Variants in PHAX observed in about 807,000 individuals in gnomAD.
The protein encoded by PHAX is phosphorylated adaptor for RNA export.
In PHAX, 31 loss-of-function variants were observed where a neutral mutation model predicts 41.6. The observed-to-expected ratio is 0.75, with a 90% CI of 0.56 to 1.01. The LOEUF is 1.01. PHAX is among the 50% of genes least tolerant of loss of function. The pLI, the probability that PHAX is intolerant of heterozygous loss-of-function variation, is 0.00. For synonymous variants in PHAX, 175 were observed against 164.9 expected (o/e 1.06, Z -0.47); for missense variants, 453 against 472.9 (o/e 0.96, Z 0.39).
intron 3 of PHAX, among the ~76,000 whole-genome samples, chr5:126,612,153 A>G (rs1204567952): frequency 1.3e-5 from 2 of 152,190 alleles, no homozygotes; most frequent in Non-Finnish European, 2.9e-5. Flanking sequence ...CAAAAAATCC[A>G]TAATGGACAA....
At chr5:126,620,544 C>T (rs968330729) in intron 4 of PHAX, among the ~76,000 whole-genome samples, 3 of 152,174 alleles carry the variant, frequency 2.0e-5, no homozygotes, top group African/African-American at 7.2e-5. Flanking sequence ...ACCACTCTGA[C>T]TCCAAAACCA....
intron 3 of PHAX, among the ~76,000 whole-genome samples, chr5:126,613,481 G>A (rs537222106): frequency 2.7e-4 from 41 of 152,250 alleles, no homozygotes; most frequent in Admixed American, 1.7e-3. Context: ...CCTGAGACCA[G>A]CCTGGGTGAC....
At chr5:126,615,130 T>G (rs1752164692) in intron 3 of PHAX, among the ~76,000 whole-genome samples, 1 of 152,010 alleles carries the variant, frequency 6.6e-6, no homozygotes, top group Non-Finnish European at 1.5e-5. Flanking sequence ...TAACTTAATT[T>G]CTCTTAGAAA....
At chr5:126,610,199 G>A (rs1752066367) in intron 3 of PHAX, among the ~76,000 whole-genome samples, 1 of 152,212 alleles carries the variant, frequency 6.6e-6, no homozygotes, top group Non-Finnish European at 1.5e-5. Context: ...AGTTTGAGAA[G>A]CTCTTTACTG....
chr5:126,617,028 TA>T (rs1387504072), intron 3 of PHAX, among the ~76,000 whole-genome samples: 6 of 152,282 alleles, frequency 3.9e-5, no homozygotes, highest in African/African-American at 1.4e-4. Context: ...ATTTCAGAAT[TA>T]AAAAAGACCA....
At chr5:126,615,942 A>G (rs1226486693) in intron 3 of PHAX, among the ~76,000 whole-genome samples, 2 of 152,188 alleles carry the variant, frequency 1.3e-5, no homozygotes, top group African/African-American at 2.4e-5. Context: ...TTATATATAT[A>G]CATTTAAATA....
intron 4 of PHAX, among the ~76,000 whole-genome samples, chr5:126,624,235 C>T (rs1162530936): frequency 2.0e-5 from 3 of 152,012 alleles, no homozygotes; most frequent in African/African-American, 7.2e-5. Context: ...TCTGCAACTC[C>T]TGACCTCAAG....
At chr5:126,602,877 C>T (rs1416487811) in intron 1 of PHAX, among the ~76,000 whole-genome samples, 1 of 151,856 alleles carries the variant, frequency 6.6e-6, no homozygotes, top group African/African-American at 2.4e-5. Flanking sequence ...TGGTGGCGGG[C>T]GCCTGTAGTC....
In PHAX at chr5:126,608,385, C is replaced by A; in HGVS notation, c.732C>A (p.Asp244Glu). Residue 244 changes from aspartate (D) to glutamate (E), a missense_variant, in exon 3 of 5, where the codon GAC (aspartate) becomes GAA (glutamate). Transcript: ENST00000297540. ...TCAGGTTACAGGAACCAAAGAAAGACCTGATAGCCCGAGTAGTGAGGATTA... is the reference window on the plus strand; with the variant it reads ...TCAGGTTACAGGAACCAAAGAAAGAACTGATAGCCCGAGTAGTGAGGATTA... The part of the protein sequence containing the change: ...ISFRLQEPKK[D>E]LIARVVRIIG... 6.2e-7 allele frequency: 1 copy of A among 1,613,516 alleles called. No individual in the cohort carries two copies. Among genetic ancestry groups the A allele is most frequent in the East Asian group, 2.2e-5 (1 of 44,848 alleles).
chr5:126,624,558 T>G lies in PHAX; in HGVS notation c.916-17T>G. The G allele has an allele frequency of 6.4e-7, 1 of 1,558,724 alleles. No homozygotes were observed. The highest frequency in any genetic ancestry group is 8.7e-7 in the Non-Finnish European group (1 of 1,153,584). ...ACGTGGTAGTTCTTGTTTACTAACT[T>G]TGTTCCTTTATTACAGGACATTTTC... On this transcript the variant is annotated splice_polypyrimidine_tract_variant and intron_variant, in intron 4 of 4. Coordinates refer to ENST00000297540, the MANE Select transcript of PHAX (RefSeq NM_032177.4).
intron 4 of PHAX, among the ~76,000 whole-genome samples, chr5:126,623,041 G>A (rs1752295582): frequency 6.6e-6 from 1 of 151,854 alleles, no homozygotes; most frequent in Admixed American, 6.6e-5. Flanking sequence ...CATGAGAATT[G>A]CTTGAACCCT....
At chr5:126,620,239 TA>T (rs1752248562) in intron 4 of PHAX, among the ~76,000 whole-genome samples, 4 of 152,318 alleles carry the variant, frequency 2.6e-5, no homozygotes, top group African/African-American at 9.6e-5. Context: ...TGTAACAATG[TA>T]AGTTTCCTTA....
Position 126,623,300 on chromosome 5 carries a change from A to T in PHAX, c.916-1275A>T, listed in dbSNP as rs562893089. On this transcript the variant is annotated intron_variant, in intron 4 of 4. Coordinates refer to ENST00000297540, the MANE Select transcript of PHAX (RefSeq NM_032177.4). Reference sequence around the variant, plus strand: ...GCCCCATCTCTATCAAAAACTTTTAAAAAGGAGAATATTAGAGAAATCATA... The same window carrying T: ...GCCCCATCTCTATCAAAAACTTTTATAAAGGAGAATATTAGAGAAATCATA... 2.0e-5 allele frequency among the ~76,000 whole-genome samples: 3 copies of T among 152,270 alleles called. No individual in the cohort carries two copies. In the East Asian group the frequency reaches 5.8e-4, roughly 29 times the overall value.
intron 4 of PHAX, among the ~76,000 whole-genome samples, chr5:126,617,842 C>T (rs558546371): frequency 5.9e-5 from 9 of 151,778 alleles, no homozygotes; most frequent in Non-Finnish European, 8.8e-5. Flanking sequence ...TTGTACGTCT[C>T]GGCTCAAGCA....
rs557438562 is a variant in PHAX at position 126,615,077 on chromosome 5, G to C, written c.832-2173G>C. 2.0e-5 allele frequency among the ~76,000 whole-genome samples: 3 copies of C among 151,772 alleles called. No homozygotes were observed. In the South Asian group the frequency reaches 6.2e-4, roughly 32 times the overall value. ...TAACACACTTGTTTTTACACAAATG[G>C]TCATATACTATGCATACTATTCTAT... On this transcript the variant is annotated intron_variant, in intron 3 of 4. Transcript: ENST00000297540.
At chr5:126,617,661 T>C (rs1408160019) in intron 4 of PHAX, among the ~76,000 whole-genome samples, 1 of 152,084 alleles carries the variant, frequency 6.6e-6, no homozygotes, top group Non-Finnish European at 1.5e-5. Flanking sequence ...GTATTTTTAG[T>C]AGAGACGGGG....
intron 3 of PHAX, among the ~76,000 whole-genome samples, chr5:126,615,008 C>A (rs973195864): frequency 2.0e-5 from 3 of 152,094 alleles, no homozygotes; most frequent in African/African-American, 7.2e-5. Context: ...ACTTTGGCCT[C>A]CCAAAGTGCT....
At chr5:126,606,289 G>A (rs916166654) in intron 2 of PHAX, among the ~76,000 whole-genome samples, 1 of 151,994 alleles carries the variant, frequency 6.6e-6, no homozygotes, top group African/African-American at 2.4e-5. Flanking sequence ...TCCGCCTCCT[G>A]GGTTCAAGCA....
intron 3 of PHAX, among the ~76,000 whole-genome samples, chr5:126,613,917 A>C (rs1752145535): frequency 6.6e-6 from 1 of 151,892 alleles, no homozygotes; most frequent in Non-Finnish European, 1.5e-5. Context: ...CTGGGACTAT[A>C]GGCTTAAGCC....
Sources: gnomAD v4.1 joint callset for allele counts (sites outside exome capture counted in the v4.1 genomes callset) on GRCh38, gnomAD v4.1.1 for gene constraint, MANE v1.5 for transcripts, NCBI Gene and HGNC (gene_info 2026-07-23, HGNC 2026-07-21) for gene names.